RGS9: variants seen among roughly 807,000 people sequenced by gnomAD.
RGS9 encodes regulator of G protein signaling 9, also known as regulator of G-protein signalling 9.
A neutral mutation model predicts 102.0 loss-of-function variants in RGS9; 78 were observed. The observed-to-expected ratio is 0.76, with a 90% confidence interval of 0.64 to 0.92. The LOEUF (loss-of-function observed/expected upper bound fraction) is 0.92. Ranked by LOEUF, RGS9 falls within the 40% of genes least tolerant of loss-of-function variation. RGS9 has a pLI of 0.00. For synonymous variants in RGS9, 353 were observed against 318.6 expected (o/e 1.11, Z -1.15); for missense variants, 833 against 866.1 (o/e 0.96, Z 0.48).
In RGS9 at chr17:65,168,156, A is replaced by G. The variant is rs755889377; in HGVS notation, c.501-44A>G. 7.9e-6 allele frequency: 11 copies of G among 1,385,228 alleles called. No individual in the cohort carries two copies. In the African/African-American group the frequency reaches 1.4e-4, roughly 18 times the overall value. 85.8% of individuals were successfully genotyped at this position (1,385,228 alleles called of 1,614,324 possible). A position where few individuals can be genotyped will look rare whatever the true frequency, so the allele number is the denominator to read the frequency against. On this transcript the variant is annotated intron_variant, in intron 7 of 18. Coordinates refer to ENST00000262406, the MANE Select transcript of RGS9 (RefSeq NM_003835.4). ...AATGAGGGGCATCACTAATCAAAAG[A>G]CACAAAGTCTTCCTGGCCTTACACG...
intron 17 of RGS9, among the ~76,000 whole-genome samples, chr17:65,224,340 AT>A (rs1171137961): frequency 6.6e-6 from 1 of 152,150 alleles, no homozygotes; most frequent in African/African-American, 2.4e-5. Context: ...CTCGCCATGT[AT>A]TCCTGTTTCC....
At chr17:65,162,984 T>C in intron 6 of RGS9, 29 bp from the exon 7 acceptor site, 3 of 1,258,740 alleles carry the variant, frequency 2.4e-6, no homozygotes, top group Non-Finnish European at 2.3e-6. Flanking sequence ...CTTGGGGCTT[T>C]CTGTTCTCAT....
intron 9 of RGS9, 44 bp downstream of exon 9, chr17:65,177,847 C>A: frequency 6.6e-7 from 1 of 1,516,392 alleles, no homozygotes. Context: ...AGGTCGGATT[C>A]TGGGGCTGGG....
rs191291141 is a variant in RGS9, at chr17:65,199,677, A to G, written c.977-2316A>G. On this transcript the variant is annotated intron_variant, in intron 13 of 18. Coordinates refer to ENST00000262406, the MANE Select transcript of RGS9 (RefSeq NM_003835.4). ...CCCAGCTAATTTTTGTATTTTTAGT[A>G]GAGACGGGGTTTCATCATGTTGGCC... 8.2e-3 allele frequency among the ~76,000 whole-genome samples: 1,250 copies of G among 151,634 alleles called. 16 individuals carry two copies. Among genetic ancestry groups the G allele is most frequent in the African/African-American group, 0.029 (1,203 of 41,390 alleles).
chr17:65,153,259 G>A (rs1387396484), intron 1 of RGS9, among the ~76,000 whole-genome samples, 163 bp from the exon 2 acceptor site: 1 of 152,190 alleles, frequency 6.6e-6, no homozygotes, highest in Non-Finnish European at 1.5e-5. Flanking sequence ...CCTTAGTCCT[G>A]GTTGCATTAG....
chr17:65,161,673 G>A (rs1228375063), intron 6 of RGS9, among the ~76,000 whole-genome samples: 1 of 151,678 alleles, frequency 6.6e-6, no homozygotes, highest in African/African-American at 2.4e-5. Context: ...CTGGGTGGAG[G>A]GTTAAAATCT....
intron 8 of RGS9, among the ~76,000 whole-genome samples, chr17:65,170,816 C>T (rs1395956583): frequency 6.6e-6 from 1 of 152,130 alleles, no homozygotes; most frequent in Non-Finnish European, 1.5e-5. Context: ...GAGTGAAAAC[C>T]AGACCAGTAG....
At chr17:65,190,809 G>A (rs965046491) in intron 11 of RGS9, among the ~76,000 whole-genome samples, 2 of 152,152 alleles carry the variant, frequency 1.3e-5, no homozygotes, top group African/African-American at 4.8e-5. Context: ...TTTAAAATGC[G>A]GAATTTATCT....
At chr17:65,160,167 G>C (rs146305095) in intron 3 of RGS9, 66 bp from the exon 4 acceptor site, 2 of 1,257,768 alleles carry the variant, frequency 1.6e-6, no homozygotes, top group Non-Finnish European at 1.2e-6. Context: ...GGGTGCCGTG[G>C]GGGCCGGCAA....
At position 65,226,622 on chromosome 17, in the gene RGS9, T is replaced by A. The variant is rs1015320831; in HGVS notation, c.1893-653T>A. On this transcript the variant is annotated intron_variant, in intron 18 of 18. Transcript: ENST00000262406. ...AGTTTTTTGTTTGTCTGGGTGTTTTTTTTTTTTTGAGATGGAGTTTTGCTC... is the reference window on the plus strand; with the variant it reads ...AGTTTTTTGTTTGTCTGGGTGTTTTATTTTTTTTGAGATGGAGTTTTGCTC... Among the ~76,000 whole-genome samples the A allele has an allele frequency of 8.9e-4, 135 of 151,730 alleles. 1 individual carries two copies. Among genetic ancestry groups the A allele is most frequent in the Admixed American group, 7.9e-4 (12 of 15,248 alleles).
At chr17:65,187,589 T>TA (rs1912171273) in intron 9 of RGS9, among the ~76,000 whole-genome samples, 1 of 152,220 alleles carries the variant, frequency 6.6e-6, no homozygotes, top group Admixed American at 6.5e-5. Flanking sequence ...GGCCAGTGTT[T>TA]ATTTTGCTGA....
chr17:65,169,474 A>G (rs953868170), intron 8 of RGS9, among the ~76,000 whole-genome samples: 1 of 152,140 alleles, frequency 6.6e-6, no homozygotes, highest in Non-Finnish European at 1.5e-5. Context: ...GGAGCCTCAC[A>G]TTGCTCGTGT....
chr17:65,168,203 T>C lies in RGS9; in HGVS notation c.504T>C (p.Ala168=), dbSNP rs773395978. Residue 168 remains alanine (A), a synonymous_variant, in exon 8 of 19, where the codon GCT becomes GCC. Coordinates refer to ENST00000262406, the MANE Select transcript of RGS9 (RefSeq NM_003835.4). ...CACGTGGCTTTTGGCTTTCCAGGGC[T>C]GGAAAGGAGAGGAACAAAGCAGACA... ...VIMQAKEQYR[A]GKERNKADRY... is the part of the protein sequence containing the mutation. The C allele has an allele frequency of 6.2e-7, 1 of 1,609,046 alleles. No homozygotes were observed. Among genetic ancestry groups the C allele is most frequent in the Non-Finnish European group, 8.5e-7 (1 of 1,177,626 alleles).
At chr17:65,145,987 T>C (rs1910344678) in intron 1 of RGS9, among the ~76,000 whole-genome samples, 1 of 152,162 alleles carries the variant, frequency 6.6e-6, no homozygotes, top group South Asian at 2.1e-4. Context: ...ACACACCTCC[T>C]AGAAAGAAAT....
intron 17 of RGS9, among the ~76,000 whole-genome samples, chr17:65,220,479 C>T (rs1340054155): frequency 6.6e-6 from 1 of 152,122 alleles, no homozygotes; most frequent in Non-Finnish European, 1.5e-5. Flanking sequence ...TTGTGCTAGA[C>T]TGTGTCAAAT....
intron 8 of RGS9, among the ~76,000 whole-genome samples, chr17:65,169,953 T>C (rs1180011901): frequency 6.6e-6 from 1 of 151,682 alleles, no homozygotes; most frequent in Non-Finnish European, 1.5e-5. Flanking sequence ...ACCCTTATTG[T>C]CTTCATCACT....
chr17:65,163,151 T>C, intron 7 of RGS9, 62 bp downstream of exon 7: 1 of 755,966 alleles, frequency 1.3e-6, no homozygotes, highest in Non-Finnish European at 2.1e-6. Flanking sequence ...TCCTTCTTTG[T>C]TTCTTTTTAT....
chr17:65,152,725 C>T (rs1910626218), intron 1 of RGS9, among the ~76,000 whole-genome samples: 1 of 152,154 alleles, frequency 6.6e-6, no homozygotes, highest in Admixed American at 6.5e-5. Context: ...GAGGCAGGGT[C>T]TCACTATGTT....
chr17:65,224,084 C>A (rs1017507383), intron 17 of RGS9, among the ~76,000 whole-genome samples: 2 of 152,174 alleles, frequency 1.3e-5, no homozygotes, highest in African/African-American at 4.8e-5. Context: ...GTGGCTTGGG[C>A]CACAGCAGGC....
Sources: allele counts gnomAD v4.1 joint callset (sites outside exome capture counted in the v4.1 genomes callset), GRCh38; gene constraint gnomAD v4.1.1; transcripts MANE v1.5; gene names NCBI Gene and HGNC (gene_info 2026-07-23, HGNC 2026-07-21).